The following EIF4G3 variants were observed in gnomAD, a reference collection of about 807,000 sequenced individuals.
EIF4G3 encodes the protein eIF-4-gamma 3.
EIF4G3 carries 34 observed loss-of-function variants against 186.4 expected under a neutral mutation model. That is an observed-to-expected ratio of 0.18 (90% CI 0.14 to 0.24). The LOEUF is 0.24. Among genes scored for constraint, EIF4G3 ranks in the 10% least tolerant of loss-of-function variants. EIF4G3 has a pLI of 1.00. For missense variants in EIF4G3, 1,536 were observed against 1,948.5 expected, an observed-to-expected ratio of 0.79 and a Z score of 3.99; for synonymous variants, 673 against 679.5, an observed-to-expected ratio of 0.99 and a Z score of 0.15.
chr1:20,978,677 CAAAAA>C (rs10603153), intron 10 of EIF4G3, among the ~76,000 whole-genome samples: 3 of 106,318 alleles, frequency 2.8e-5, no homozygotes, highest in Non-Finnish European at 3.8e-5. Context: ...TTTATCAGAT[CAAAAA>C]AAAAAAAAAA....
At chr1:20,981,657 ATG>A (rs1278653196) in intron 8 of EIF4G3, among the ~76,000 whole-genome samples, 109 of 131,790 alleles carry the variant, frequency 8.3e-4, no homozygotes, top group African/African-American at 2.8e-3. Context: ...GTATACATAC[ATG>A]TATACGCACA....
At chr1:21,021,151 T>C (rs755198444) in intron 4 of EIF4G3, among the ~76,000 whole-genome samples, 35 of 152,130 alleles carry the variant, frequency 2.3e-4, no homozygotes, top group Non-Finnish European at 4.0e-4. Context: ...CCCCAGTTAA[T>C]TTTTGAATTT....
At chr1:21,120,321 A>C (rs768126920) in intron 2 of EIF4G3, among the ~76,000 whole-genome samples, 3 of 151,962 alleles carry the variant, frequency 2.0e-5, no homozygotes, top group Non-Finnish European at 4.4e-5. Context: ...AGGTCAAATC[A>C]TAAACTAACA....
chr1:20,886,812 T>A (rs1411673650), intron 18 of EIF4G3, among the ~76,000 whole-genome samples: 1 of 152,104 alleles, frequency 6.6e-6, no homozygotes, highest in Admixed American at 6.5e-5. Flanking sequence ...TTACTGTAGA[T>A]CATAAAAGAT....
At chr1:20,865,365 G>T in intron 20 of EIF4G3, 103 bp from the exon 21 acceptor site, 1 of 1,302,950 alleles carries the variant, frequency 7.7e-7, no homozygotes, top group Non-Finnish European at 1.1e-6. Context: ...TGAACCACAG[G>T]TAAGCATTCT....
intron 3 of EIF4G3, among the ~76,000 whole-genome samples, chr1:21,086,196 ACT>A (rs1301400841): frequency 3.7e-5 from 4 of 109,358 alleles, no homozygotes; most frequent in African/African-American, 6.8e-5. Flanking sequence ...CCTACATGAT[ACT>A]CTTTTTTTTT....
intron 4 of EIF4G3, among the ~76,000 whole-genome samples, chr1:21,009,844 G>A (rs1474145610): frequency 6.6e-6 from 1 of 151,810 alleles, no homozygotes; most frequent in East Asian, 2.0e-4. Context: ...TAGTAGAGAC[G>A]GGGTTTCACC....
At chr1:21,128,375 T>TG (rs1025450577) in intron 2 of EIF4G3, among the ~76,000 whole-genome samples, 16 of 151,384 alleles carry the variant, frequency 1.1e-4, no homozygotes, top group African/African-American at 3.9e-4. Context: ...CCAGGTGTAG[T>TG]GGCGGGTGCC....
intron 20 of EIF4G3, among the ~76,000 whole-genome samples, chr1:20,871,541 G>A (rs1040540170): frequency 6.6e-6 from 1 of 152,110 alleles, no homozygotes; most frequent in Non-Finnish European, 1.5e-5. Context: ...GATTCTGTTG[G>A]GAGGTATTAT....
At chr1:20,929,227 T>C (rs1402716405) in intron 14 of EIF4G3, 1 of 152,194 alleles carries the variant, frequency 6.6e-6, no homozygotes, top group Admixed American at 6.5e-5. Flanking sequence ...TTTCCACTCC[T>C]GCCAAAGCAG....
intron 14 of EIF4G3, among the ~76,000 whole-genome samples, chr1:20,906,821 C>T (rs554685810): frequency 4.0e-5 from 6 of 151,634 alleles, no homozygotes; most frequent in Non-Finnish European, 8.8e-5. Flanking sequence ...TACACACACA[C>T]ACACACACAC....
At position 21,138,538 on chromosome 1, in the gene EIF4G3, G is replaced by T. The variant is rs1473925070; in HGVS notation, c.-272+37637C>A. On this transcript the variant is annotated intron_variant, in intron 2 of 36. Coordinates refer to ENST00000602326, the MANE Select transcript of EIF4G3 (RefSeq NM_001391906.1). ...ATCTTAATTAATATCAAGATGTCCT[G>T]TGGGGCACAGTGGCTCACACCCATA... Among the ~76,000 whole-genome samples the T allele has an allele frequency of 4.6e-5, 7 of 152,194 alleles. No individual in the cohort carries two copies. In the East Asian group the frequency reaches 1.3e-3, roughly 29 times the overall value.
At position 20,899,815 on chromosome 1, in the gene EIF4G3, T is replaced by A. The variant is rs765240850; in HGVS notation, c.1881A>T (p.Gly627=). The A allele has an allele frequency of 6.2e-7, 1 of 1,614,162 alleles. No homozygotes were observed. The highest frequency in any genetic ancestry group is 1.7e-5 in the Admixed American group (1 of 60,020). ...LKKVKAVEEN[G]EEAEPVRNGA... is the part of the protein sequence containing the mutation. Reference sequence around the variant, plus strand: ...CATTACGTACTGGCTCAGCTTCTTCTCCATTTTCTTCCACAGCTTTCACTT... The same window carrying A: ...CATTACGTACTGGCTCAGCTTCTTCACCATTTTCTTCCACAGCTTTCACTT... The change falls in exon 16 of 37, where the codon GGA becomes GGT. Residue 627 remains glycine, a synonymous_variant. Coordinates refer to ENST00000602326, the MANE Select transcript of EIF4G3 (RefSeq NM_001391906.1).
At chr1:21,166,059 T>A (rs911458025) in intron 2 of EIF4G3, among the ~76,000 whole-genome samples, 1 of 105,074 alleles carries the variant, frequency 9.5e-6, no homozygotes. Context: ...GATCACCCAC[T>A]CATCATAATC....
chr1:20,925,177 C>T (rs540711194), intron 14 of EIF4G3, among the ~76,000 whole-genome samples: 98 of 152,146 alleles, frequency 6.4e-4, no homozygotes, highest in African/African-American at 2.1e-3. Context: ...CTGTTTTACA[C>T]CTTGGTATGG....
intron 30 of EIF4G3, among the ~76,000 whole-genome samples, chr1:20,835,265 A>C (rs1413568971): frequency 7.9e-5 from 12 of 152,222 alleles, no homozygotes; most frequent in Admixed American, 7.9e-4. Flanking sequence ...ATGAGCATCT[A>C]TATCAAAAAA....
intron 10 of EIF4G3, among the ~76,000 whole-genome samples, chr1:20,979,121 C>T (rs1570216433): frequency 6.6e-6 from 1 of 152,118 alleles, no homozygotes; most frequent in Admixed American, 6.5e-5. Flanking sequence ...TAATTTTATC[C>T]CTTATTATTC....
intron 30 of EIF4G3, among the ~76,000 whole-genome samples, chr1:20,830,834 T>C (rs1041750707): frequency 1.3e-5 from 2 of 152,122 alleles, no homozygotes; most frequent in Non-Finnish European, 2.9e-5. Context: ...AGGATTTCCA[T>C]AGAACAAGCC....
chr1:21,159,235 T>C (rs72654858), intron 2 of EIF4G3, among the ~76,000 whole-genome samples: 1 of 149,850 alleles, frequency 6.7e-6, no homozygotes, highest in Non-Finnish European at 1.5e-5. Context: ...GAGTTTGGGA[T>C]CAGACTGGAC....
Sources: gnomAD v4.1 joint callset for allele counts (sites outside exome capture counted in the v4.1 genomes callset) on GRCh38, gnomAD v4.1.1 for gene constraint, MANE v1.5 for transcripts, NCBI Gene and HGNC (gene_info 2026-07-23, HGNC 2026-07-21) for gene names.